SLC2A5: variants seen among roughly 807,000 people sequenced by gnomAD.
The protein encoded by SLC2A5 is solute carrier family 2 member 5.
A neutral mutation model predicts 50.3 loss-of-function variants in SLC2A5; 56 were observed. The observed-to-expected ratio is 1.11, with a 90% CI of 0.90 to 1.39. The LOEUF is 1.39. Ranked by LOEUF, SLC2A5 falls within the 40% of genes most tolerant of loss-of-function variation. The probability of loss-of-function intolerance (pLI) is 0.00; values close to 1 mark genes in which losing one functional copy is unlikely to be tolerated. For synonymous variants in SLC2A5, 269 were observed against 281.9 expected (o/e 0.95, Z 0.46); for missense variants, 566 against 650.1 (o/e 0.87, Z 1.41).
chr1:9,054,974 C>A (rs770785945), intron 3 of SLC2A5, among the ~76,000 whole-genome samples: 1 of 151,988 alleles, frequency 6.6e-6, no homozygotes, highest in African/African-American at 2.4e-5. Context: ...AGTTGAGAAG[C>A]AAAATCTATA....
At chr1:9,067,793 C>T (rs1642120397) in intron 1 of SLC2A5, among the ~76,000 whole-genome samples, 1 of 152,122 alleles carries the variant, frequency 6.6e-6, no homozygotes. Flanking sequence ...GGCTAAACAT[C>T]TTATAACACA....
At chr1:9,056,988 C>G (rs1160327427) in intron 3 of SLC2A5, among the ~76,000 whole-genome samples, 1 of 152,110 alleles carries the variant, frequency 6.6e-6, no homozygotes, top group African/African-American at 2.4e-5. Flanking sequence ...TTTTCTGACC[C>G]CATTAGAAAA....
At position 9,039,793 on chromosome 1, in the gene SLC2A5, C is replaced by T. The variant is rs1382520067; in HGVS notation, c.885+7G>A. The T allele has an allele frequency of 1.3e-6, 2 of 1,555,778 alleles. No individual in the cohort carries two copies. The highest frequency in any genetic ancestry group is 1.7e-6 in the Non-Finnish European group (2 of 1,152,050). On this transcript the variant is annotated splice_region_variant and intron_variant, in intron 7 of 11. Transcript: ENST00000377424. ...CCCCAGCTCCCGAGCCGCAGCCCGGCCCATACAGCGTTGACGCCCGACAGC... is the reference window on the plus strand; with the variant it reads ...CCCCAGCTCCCGAGCCGCAGCCCGGTCCATACAGCGTTGACGCCCGACAGC...
At chr1:9,060,326 A>T (rs1349418280) in intron 1 of SLC2A5, among the ~76,000 whole-genome samples, 8 of 108,614 alleles carry the variant, frequency 7.4e-5, no homozygotes, top group Admixed American at 3.6e-4. Context: ...CACACACTAC[A>T]TACACACAAG....
At position 9,037,192 on chromosome 1, in the gene SLC2A5, A is replaced by G. The variant is rs1063137; in HGVS notation, c.*394T>C. 84,861 of 208,652 alleles carry G rather than the reference A, an allele frequency of 0.41. 18,472 individuals are homozygous for G. Among genetic ancestry groups the G allele is most frequent in the East Asian group, 0.66 (5,506 of 8,362 alleles). The allele number at this position is 208,652 out of a possible 1,614,324, so 12.9% of individuals were successfully genotyped here. Reference sequence around the variant, plus strand: ...CCCCGGAAGACCTGTCGGGGCCACCAAGTTAGTTTCTCTGGCAAAATTTGA... The same window carrying G: ...CCCCGGAAGACCTGTCGGGGCCACCGAGTTAGTTTCTCTGGCAAAATTTGA... On this transcript the variant is annotated 3_prime_UTR_variant, in exon 12 of 12. Coordinates refer to ENST00000377424, the MANE Select transcript of SLC2A5 (RefSeq NM_003039.3).
chr1:9,048,304 C>T (rs770032), intron 3 of SLC2A5, among the ~76,000 whole-genome samples: 149,502 of 152,252 alleles, frequency 0.98, 73,406 homozygotes, highest in Middle Eastern at 1. Flanking sequence ...AGGTCAAGTG[C>T]TCAAGATCAG....
Position 9,037,550 on chromosome 1 carries a change from C to G in SLC2A5, c.*36G>C. The G allele has an allele frequency of 6.3e-7, 1 of 1,580,456 alleles. No homozygotes were observed. Among genetic ancestry groups the G allele is most frequent in the Non-Finnish European group, 8.7e-7 (1 of 1,150,496 alleles). Reference sequence around the variant, plus strand: ...GAAAAATAAGCCAAAGTGGGAAGCCCCTGGCAGACCAGCTCCACTGGCTTC... The same window carrying G: ...GAAAAATAAGCCAAAGTGGGAAGCCGCTGGCAGACCAGCTCCACTGGCTTC... On this transcript the variant is annotated 3_prime_UTR_variant, in exon 12 of 12. Transcript: ENST00000377424.
chr1:9,046,561 C>G (rs913062398), intron 4 of SLC2A5, among the ~76,000 whole-genome samples: 1 of 152,010 alleles, frequency 6.6e-6, no homozygotes, highest in Admixed American at 6.6e-5. Context: ...CTGTTAGCAC[C>G]TTTCTGGTAG....
chr1:9,094,186 T>C, the SLC2A5 span, among the ~76,000 whole-genome samples: 1 of 152,208 alleles, frequency 6.6e-6, no homozygotes, highest in Non-Finnish European at 1.5e-5. Flanking sequence ...AAGTATTGCC[T>C]GAAGCGAACG....
At position 9,057,484 on chromosome 1, in the gene SLC2A5, G is replaced by T. The variant is rs200263461; in HGVS notation, c.257C>A (p.Ser86Tyr). The T allele has an allele frequency of 5.0e-6, 8 of 1,613,770 alleles. No homozygotes were observed. Among genetic ancestry groups the T allele is most frequent in the Non-Finnish European group, 6.8e-6 (8 of 1,179,970 alleles). ...ATTCACCAAGGGGCCGACCAGGAGG[G>T]ATCCGATAAACCCTCCAAATGGAAA... is the stretch of plus-strand genomic sequence containing the variant. Reference protein sequence around the residue: ...SMFPFGGFIGSLLVGPLVNKF... With the variant: ...SMFPFGGFIGYLLVGPLVNKF... The change falls in exon 3 of 12, where the codon TCC becomes TAC. Residue 86 changes from serine to tyrosine, a missense_variant. Transcript: ENST00000377424.
intron 3 of SLC2A5, among the ~76,000 whole-genome samples, chr1:9,053,118 A>T: frequency 9.4e-6 from 1 of 106,220 alleles, no homozygotes; most frequent in Non-Finnish European, 1.7e-5. Context: ...TATATATTAT[A>T]TATTTATATT....
At chr1:9,073,903 A>T (rs895497945), upstream of SLC2A5, among the ~76,000 whole-genome samples, 1 of 152,210 alleles carries the variant, frequency 6.6e-6, no homozygotes, top group Non-Finnish European at 1.5e-5. Context: ...AACATGGTGA[A>T]ACCCGGTCTC....
intron 2 of SLC2A5, among the ~76,000 whole-genome samples, chr1:9,081,447 A>T (rs75084587): frequency 0.032 from 4,583 of 145,100 alleles, 284 homozygotes; most frequent in East Asian, 0.27. Flanking sequence ...AGCCTGGGCA[A>T]TGGAGGTAGA....
chr1:9,039,749 C>T (rs1569837398), intron 7 of SLC2A5, 51 bp downstream of exon 7: 4 of 1,434,378 alleles, frequency 2.8e-6, no homozygotes, highest in Non-Finnish European at 3.7e-6. Flanking sequence ...GGACCTGCGC[C>T]CCGCGCCCCC....
chr1:9,039,430 G>C (rs929500820), intron 8 of SLC2A5, 122 bp downstream of exon 8: 5 of 682,508 alleles, frequency 7.3e-6, no homozygotes, highest in Non-Finnish European at 1.2e-5. Context: ...CAGAGTTTCT[G>C]TAGTAGCGGC....
intron 3 of SLC2A5, among the ~76,000 whole-genome samples, chr1:9,054,916 CCT>C (rs569269145): frequency 1.4e-3 from 212 of 152,166 alleles, no homozygotes; most frequent in African/African-American, 4.9e-3. Flanking sequence ...AGAGTGAGAC[CCT>C]GTCTCACACA....
intron 2 of SLC2A5, among the ~76,000 whole-genome samples, chr1:9,080,721 A>G (rs1642342164): frequency 6.6e-6 from 1 of 152,254 alleles, no homozygotes; most frequent in Non-Finnish European, 1.5e-5. Flanking sequence ...AATAATATCC[A>G]GTGATGTGCA....
intron 1 of SLC2A5, among the ~76,000 whole-genome samples, chr1:9,064,473 C>T (rs1642031284): frequency 6.6e-6 from 1 of 152,154 alleles, no homozygotes; most frequent in African/African-American, 2.4e-5. Flanking sequence ...CCACATTCCT[C>T]ATGCTGTCAG....
Position 9,066,983 on chromosome 1 carries a change from T to TA in SLC2A5, c.33+2520dup, listed in dbSNP as rs58819432. On this transcript the variant is annotated intron_variant, in intron 1 of 11. Transcript: ENST00000377424. ...ACAGAGTAAGACCCTGTCTCAAAAT[T>TA]AAAAAAAAAAAAAAAGGAAAAAGAA... Among the ~76,000 whole-genome samples, 518 of 110,152 alleles carry TA rather than the reference T, an allele frequency of 4.7e-3. 3 individuals carry two copies. The highest frequency in any genetic ancestry group is 6.5e-3 in the Non-Finnish European group (325 of 49,898). The allele number at this position is 110,152 out of a possible 152,430, so 72.3% of individuals were successfully genotyped here. A position where few individuals can be genotyped will look rare whatever the true frequency, so the allele number is the denominator to read the frequency against.
Sources: gnomAD v4.1 joint callset for allele counts (sites outside exome capture counted in the v4.1 genomes callset) on GRCh38, gnomAD v4.1.1 for gene constraint, MANE v1.5 for transcripts, NCBI Gene and HGNC (gene_info 2026-07-23, HGNC 2026-07-21) for gene names.